PWWP3B: variants seen among roughly 807,000 people sequenced by gnomAD.
The protein encoded by PWWP3B is PWWP domain-containing DNA repair factor 3B.
A neutral mutation model predicts 15.7 loss-of-function variants in PWWP3B; 5 were observed. The observed-to-expected ratio is 0.32, with a 90% CI of 0.17 to 0.67. The LOEUF is 0.67. Among genes scored for constraint, PWWP3B ranks in the 30% least tolerant of loss-of-function variants. The pLI is 0.74. For missense variants in PWWP3B, 519 were observed against 493.1 expected, an observed-to-expected ratio of 1.05 and a Z score of -0.50; for synonymous variants, 203 against 179.8, an observed-to-expected ratio of 1.13 and a Z score of -1.03.
intron 2 of PWWP3B, among the ~76,000 whole-genome samples, chrX:106,187,141 T>C (rs1922566364): frequency 9.0e-6 from 1 of 111,637 alleles, no homozygotes; most frequent in African/African-American, 3.3e-5. Flanking sequence ...GGAGGACTCC[T>C]TTTTTCTTTA....
At chrX:106,196,513 T>C (rs1330620006) in intron 2 of PWWP3B, among the ~76,000 whole-genome samples, 1 of 112,007 alleles carries the variant, frequency 8.9e-6, no homozygotes, top group Non-Finnish European at 1.9e-5. Context: ...ATTTGTGGAA[T>C]GTTGTTAATG....
chrX:106,201,676 A>G (rs1450888523), intron 2 of PWWP3B: 2 of 110,736 alleles, frequency 1.8e-5, no homozygotes, highest in Admixed American at 9.6e-5. Flanking sequence ...CAGGGGGCGG[A>G]CCCTCCTCTG....
At chrX:106,181,633 C>G (rs1922209166) in intron 2 of PWWP3B, among the ~76,000 whole-genome samples, 1 of 110,671 alleles carries the variant, frequency 9.0e-6, no homozygotes, top group South Asian at 3.8e-4. Flanking sequence ...AACAGGACAC[C>G]CGAACTGCTG....
intron 2 of PWWP3B, among the ~76,000 whole-genome samples, chrX:106,200,820 A>T (rs1320882999): frequency 9.0e-6 from 1 of 111,293 alleles, no homozygotes; most frequent in Non-Finnish European, 1.9e-5. Flanking sequence ...AGGCCGAGGC[A>T]GGCGGATCAT....
intron 2 of PWWP3B, among the ~76,000 whole-genome samples, chrX:106,186,341 A>C (rs1465251152): frequency 9.1e-6 from 1 of 110,309 alleles, no homozygotes; most frequent in African/African-American, 3.3e-5. Flanking sequence ...GCAAACCAAC[A>C]CTCCCAACTC....
rs1336157678 is a variant in PWWP3B, at chrX:106,171,048, T to C, written c.-492T>C. 1 of 111,282 alleles carries C rather than the reference T, an allele frequency of 9.0e-6. No homozygotes were observed. Among genetic ancestry groups the C allele is most frequent in the Non-Finnish European group, 1.9e-5 (1 of 53,116 alleles). 9.2% of individuals were successfully genotyped at this position (111,282 alleles called of 1,213,427 possible). ...AAAGACAGGTCAACCACAGAAGTGCTGAGCCAGGTAAAGACCCTGCTGGAC... is the reference window on the plus strand; with the variant it reads ...AAAGACAGGTCAACCACAGAAGTGCCGAGCCAGGTAAAGACCCTGCTGGAC... On this transcript the variant is annotated 5_prime_UTR_variant, in exon 2 of 4. Coordinates refer to ENST00000357175, the MANE Select transcript of PWWP3B (RefSeq NM_001171020.2).
intron 2 of PWWP3B, among the ~76,000 whole-genome samples, chrX:106,178,148 C>T (rs1921997266): frequency 8.9e-6 from 1 of 111,973 alleles, no homozygotes; most frequent in African/African-American, 3.2e-5. Flanking sequence ...GTGTCAACTA[C>T]AGCCTTGCAT....
chrX:106,194,502 C>T lies in PWWP3B; in HGVS notation c.-400-9483C>T, dbSNP rs147923437. Reference sequence around the variant, plus strand: ...TCGGTTTGAATTTCCTCCTGTAGCTCGGAGTAGTTTGATCATCTGAAGCCT... The same window carrying T: ...TCGGTTTGAATTTCCTCCTGTAGCTTGGAGTAGTTTGATCATCTGAAGCCT... On this transcript the variant is annotated intron_variant, in intron 2 of 3. Coordinates refer to ENST00000357175, the MANE Select transcript of PWWP3B (RefSeq NM_001171020.2). 5.3e-4 allele frequency among the ~76,000 whole-genome samples: 59 copies of T among 111,764 alleles called. 1 individual carries two copies. Among genetic ancestry groups the T allele is most frequent in the African/African-American group, 1.7e-3 (53 of 30,765 alleles).
intron 2 of PWWP3B, among the ~76,000 whole-genome samples, chrX:106,172,654 C>T (rs1175265857): frequency 9.0e-6 from 1 of 110,712 alleles, no homozygotes; most frequent in Non-Finnish European, 1.9e-5. Flanking sequence ...CTAGAATACC[C>T]CCTGAATCAA....
intron 2 of PWWP3B, among the ~76,000 whole-genome samples, chrX:106,194,899 G>C (rs1042854890): frequency 1.8e-5 from 2 of 111,537 alleles, no homozygotes; most frequent in Admixed American, 9.5e-5. Context: ...TGTTCCTCTG[G>C]AAGTTTTATC....
intron 2 of PWWP3B, among the ~76,000 whole-genome samples, chrX:106,188,297 A>G (rs1274894366): frequency 4.5e-5 from 5 of 112,201 alleles, no homozygotes; most frequent in Non-Finnish European, 9.4e-5. Context: ...AAAATTAATA[A>G]AAGAGATCAA....
At chrX:106,200,350 G>A (rs1381854364) in intron 2 of PWWP3B, among the ~76,000 whole-genome samples, 1 of 111,093 alleles carries the variant, frequency 9.0e-6, no homozygotes, top group Non-Finnish European at 1.9e-5. Flanking sequence ...GAACCTCTGA[G>A]ATTTAGGGGT....
chrX:106,188,819 A>G (rs897011047), intron 2 of PWWP3B, among the ~76,000 whole-genome samples: 1 of 112,561 alleles, frequency 8.9e-6, no homozygotes, highest in Non-Finnish European at 1.9e-5. Flanking sequence ...TAAAATATTC[A>G]CCAATGTTGT....
chrX:106,203,187 C>T (rs759747104), intron 2 of PWWP3B, among the ~76,000 whole-genome samples: 18 of 111,800 alleles, frequency 1.6e-4, no homozygotes, highest in Non-Finnish European at 2.8e-4. Flanking sequence ...TCTAGAAATA[C>T]ATATAGTAAA....
intron 2 of PWWP3B, among the ~76,000 whole-genome samples, chrX:106,199,260 G>A (rs1923558881): frequency 9.0e-6 from 1 of 110,841 alleles, no homozygotes; most frequent in Non-Finnish European, 1.9e-5. Context: ...GTTTCACCGT[G>A]TTAGCCAGAA....
Position 106,205,993 on chromosome X carries a change from A to G in PWWP3B, c.561A>G (p.Leu187=), listed in dbSNP as rs185922729. The stretch of plus-strand genomic sequence containing the variant: ...CAAGTGAAGTGGAAACAAAGTCATT[A>G]CAAAACTCTAGCTGGTGCGAGACTT... ...TIPSEVETKS[L]QNSSWCETFP... is the part of the protein sequence containing the mutation. The change falls in exon 4 of 4, where the codon TTA becomes TTG. Residue 187 remains leucine (L), a synonymous_variant. Coordinates refer to ENST00000357175, the MANE Select transcript of PWWP3B (RefSeq NM_001171020.2). The G allele has an allele frequency of 8.3e-7, 1 of 1,207,888 alleles. No homozygotes were observed. The highest frequency in any genetic ancestry group is 3.0e-5 in the East Asian group (1 of 33,740).
At chrX:106,175,236 C>CTTTTTTT (rs1218589426) in intron 2 of PWWP3B, among the ~76,000 whole-genome samples, 1 of 73,151 alleles carries the variant, frequency 1.4e-5, no homozygotes, top group Non-Finnish European at 2.6e-5. Context: ...GGGGTTATTT[C>CTTTTTTT]TTTTTTTTTT....
chrX:106,181,413 G>A (rs1367894303), intron 2 of PWWP3B, among the ~76,000 whole-genome samples: 1 of 111,659 alleles, frequency 9.0e-6, no homozygotes, highest in Non-Finnish European at 1.9e-5. Flanking sequence ...TTTACAGAGT[G>A]CTGATTGGTG....
At position 106,181,401 on chromosome X, in the gene PWWP3B, A is replaced by G. The variant is rs777401467; in HGVS notation, c.-401+10262A>G. Among the ~76,000 whole-genome samples, 3 of 111,641 alleles carry G rather than the reference A, an allele frequency of 2.7e-5. No homozygotes were observed. The South Asian group carries it at 1.1e-3, about 43-fold the overall frequency. ...CATTTTACAGAGTGCTGATTGGTCC[A>G]TTTTACAGAGTGCTGATTGGTGCGT... On this transcript the variant is annotated intron_variant, in intron 2 of 3. Coordinates refer to ENST00000357175, the MANE Select transcript of PWWP3B (RefSeq NM_001171020.2).
Sources: allele counts gnomAD v4.1 joint callset (sites outside exome capture counted in the v4.1 genomes callset), GRCh38; gene constraint gnomAD v4.1.1; transcripts MANE v1.5; gene names NCBI Gene and HGNC (gene_info 2026-07-23, HGNC 2026-07-21).